The following ARHGAP15 variants were observed in gnomAD, a reference collection of about 807,000 sequenced individuals.
ARHGAP15 encodes rho GTPase-activating protein 15.
Under a neutral mutation model 63.7 loss-of-function variants are expected in ARHGAP15, and 51 were observed. The observed-to-expected ratio is 0.80, with a 90% CI of 0.64 to 1.01. ARHGAP15 has a LOEUF of 1.01. Among genes scored for constraint, ARHGAP15 ranks in the 50% least tolerant of loss-of-function variants. ARHGAP15 has a pLI of 0.00. For missense variants in ARHGAP15, 560 were observed against 564.6 expected (o/e 0.99, Z 0.08); for synonymous variants, 191 against 193.8 (o/e 0.99, Z 0.12).
At chr2:143,654,698 G>A (rs150700056) in intron 12 of ARHGAP15, among the ~76,000 whole-genome samples, 40 of 152,308 alleles carry the variant, frequency 2.6e-4, no homozygotes, top group African/African-American at 9.6e-4. Flanking sequence ...TGAACTGTCA[G>A]TCTGAAACCC....
intron 6 of ARHGAP15, among the ~76,000 whole-genome samples, chr2:143,379,485 A>ATATG (rs755101278): frequency 2.2e-5 from 2 of 90,096 alleles, no homozygotes; most frequent in Non-Finnish European, 2.5e-5. Context: ...TTAGGCATAT[A>ATATG]TATGTGTGTG....
rs754434695 is a variant in ARHGAP15 at position 143,228,643 on chromosome 2, C to A, written c.359C>A (p.Ser120Tyr). The change falls in exon 5 of 14, where the codon TCC becomes TAC. Residue 120 changes from serine to tyrosine, a missense_variant. By Grantham distance (144) the Ser-to-Tyr change is moderately radical. Transcript: ENST00000295095. ...CGAAGAATTGAATTTTACAAAGAAT[C>A]CAAGCAACAGGCTCTGTCCAATATG... ...SSRRIEFYKE[S>Y]KQQALSNMKT... 2.5e-6 allele frequency: 4 copies of A among 1,606,208 alleles called. No homozygotes were observed. The South Asian group carries it at 3.3e-5, about 13-fold the overall frequency.
chr2:143,153,524 C>T (rs577793641), intron 1 of ARHGAP15, among the ~76,000 whole-genome samples: 1 of 151,980 alleles, frequency 6.6e-6, no homozygotes, highest in African/African-American at 2.4e-5. Context: ...TAAACATCTT[C>T]GTGATTTATT....
chr2:143,252,512 C>G (rs1190426516), intron 6 of ARHGAP15, among the ~76,000 whole-genome samples: 3 of 151,970 alleles, frequency 2.0e-5, no homozygotes, highest in African/African-American at 7.2e-5. Flanking sequence ...TTCATGGGGC[C>G]TCAGTCTTCT....
At chr2:143,371,554 A>G (rs1006774863) in intron 6 of ARHGAP15, among the ~76,000 whole-genome samples, 9 of 152,176 alleles carry the variant, frequency 5.9e-5, no homozygotes, top group African/African-American at 1.9e-4. Context: ...CATTCAGATT[A>G]TATACATACA....
intron 6 of ARHGAP15, among the ~76,000 whole-genome samples, chr2:143,381,886 G>C (rs913582804): frequency 7.9e-5 from 12 of 152,058 alleles, no homozygotes; most frequent in African/African-American, 2.9e-4. Context: ...GTACAAATAA[G>C]AGGTGATTTT....
At chr2:143,512,487 A>G (rs1693632913) in intron 9 of ARHGAP15, among the ~76,000 whole-genome samples, 2 of 152,240 alleles carry the variant, frequency 1.3e-5, no homozygotes, top group Non-Finnish European at 2.9e-5. Flanking sequence ...ACACAGGACC[A>G]GCAAAACCAA....
chr2:143,516,991 C>G (rs200689017), intron 9 of ARHGAP15, among the ~76,000 whole-genome samples: 2 of 41,026 alleles, frequency 4.9e-5, no homozygotes, highest in Admixed American at 3.5e-4. Context: ...ACTCTGTTGC[C>G]AGGCCTGGAG....
intron 9 of ARHGAP15, among the ~76,000 whole-genome samples, chr2:143,497,718 A>G (rs996347226): frequency 6.6e-6 from 1 of 152,156 alleles, no homozygotes; most frequent in Admixed American, 6.5e-5. Flanking sequence ...GGCGAGGTGG[A>G]TAACTGAGGG....
intron 12 of ARHGAP15, among the ~76,000 whole-genome samples, chr2:143,680,695 TC>T (rs1401296671): frequency 2.0e-5 from 3 of 152,230 alleles, no homozygotes; most frequent in African/African-American, 7.2e-5. Flanking sequence ...GTTCTAGTTT[TC>T]CTGTACCCAC....
At chr2:143,224,357 A>T (rs555028620) in intron 4 of ARHGAP15, among the ~76,000 whole-genome samples, 1 of 152,164 alleles carries the variant, frequency 6.6e-6, no homozygotes, top group African/African-American at 2.4e-5. Flanking sequence ...AAAAATCTCG[A>T]TTTTTTCTGA....
chr2:143,341,671 T>G (rs1264474421), intron 6 of ARHGAP15, among the ~76,000 whole-genome samples: 2 of 152,082 alleles, frequency 1.3e-5, no homozygotes, highest in Non-Finnish European at 2.9e-5. Flanking sequence ...TTCCTAAAAT[T>G]TCTTGCTTAC....
intron 8 of ARHGAP15, among the ~76,000 whole-genome samples, chr2:143,460,365 T>C (rs779021679): frequency 3.3e-5 from 5 of 152,310 alleles, no homozygotes; most frequent in East Asian, 1.9e-4. Context: ...GACTACAATA[T>C]GTATTTTTTG....
At chr2:143,408,143 A>G (rs1261358520) in intron 6 of ARHGAP15, among the ~76,000 whole-genome samples, 1 of 148,724 alleles carries the variant, frequency 6.7e-6, no homozygotes, top group African/African-American at 2.4e-5. Context: ...TGGTATAGAA[A>G]GGGTTGATTT....
At chr2:143,191,598 A>G (rs1691686191) in intron 2 of ARHGAP15, among the ~76,000 whole-genome samples, 1 of 152,170 alleles carries the variant, frequency 6.6e-6, no homozygotes, top group Admixed American at 6.5e-5. Context: ...AATTAGTTGT[A>G]TGTGATTCTT....
intron 6 of ARHGAP15, among the ~76,000 whole-genome samples, chr2:143,425,423 TATATG>T (rs1415947806): frequency 6.6e-6 from 1 of 151,940 alleles, no homozygotes; most frequent in African/African-American, 2.4e-5. Context: ...TGTATGTACA[TATATG>T]ATACGTATCA....
At chr2:143,730,521 G>T (rs375185584) in intron 13 of ARHGAP15, among the ~76,000 whole-genome samples, 1 of 151,962 alleles carries the variant, frequency 6.6e-6, no homozygotes, top group Non-Finnish European at 1.5e-5. Flanking sequence ...GAGAATAAGG[G>T]GTGTCTTCTG....
intron 12 of ARHGAP15, among the ~76,000 whole-genome samples, chr2:143,667,590 A>ATT (rs1682285241): frequency 1.1e-5 from 1 of 93,306 alleles, no homozygotes; most frequent in Non-Finnish European, 2.5e-5. Flanking sequence ...ATTAAAAAAA[A>ATT]AAAAAAAAAA....
chr2:143,263,446 C>CT (rs1483948461), intron 6 of ARHGAP15, among the ~76,000 whole-genome samples: 1 of 152,152 alleles, frequency 6.6e-6, no homozygotes, highest in East Asian at 1.9e-4. Context: ...GCCTCTGCTG[C>CT]TGGAAGATCA....
Sources: allele counts gnomAD v4.1 joint callset (sites outside exome capture counted in the v4.1 genomes callset), GRCh38; gene constraint gnomAD v4.1.1; transcripts MANE v1.5; gene names NCBI Gene and HGNC (gene_info 2026-07-23, HGNC 2026-07-21).